MYO15B: variants seen among roughly 807,000 people sequenced by gnomAD.
MYO15B encodes the protein myosin XVB pseudogene.
Under a neutral mutation model 119.3 loss-of-function variants are expected in MYO15B, and 207 were observed. The ratio of observed to expected loss-of-function variants is 1.73; its 90% CI spans 1.55 to 1.95. The LOEUF is 1.95. Among genes scored for constraint, MYO15B ranks in the 30% most tolerant of loss-of-function variants. The probability of loss-of-function intolerance (pLI) is 0.00; values close to 1 mark genes in which losing one functional copy is unlikely to be tolerated. For missense variants in MYO15B, 2,264 were observed against 1,203.1 expected (o/e 1.88, Z -13.04); for synonymous variants, 966 against 498.9 (o/e 1.94, Z -12.48).
intron 53 of MYO15B, among the ~76,000 whole-genome samples, chr17:75,623,354 C>A (rs1308657562): frequency 6.6e-6 from 1 of 152,000 alleles, no homozygotes; most frequent in African/African-American, 2.4e-5. Context: ...AAAGGCCGGG[C>A]ACGGAGGCCC....
At chr17:75,614,170 G>T in intron 29 of MYO15B, 29 bp from the exon 30 acceptor site, 1 of 698,870 alleles carries the variant, frequency 1.4e-6, no homozygotes, top group Admixed American at 2.0e-5. Flanking sequence ...ATGGCCGCCT[G>T]CCTCACTGAC....
At chr17:75,593,197 TAAAAAAAAAAAA>T (rs5822094) in intron 9 of MYO15B, among the ~76,000 whole-genome samples, 2 of 74,230 alleles carry the variant, frequency 2.7e-5, no homozygotes, top group South Asian at 6.1e-4. Flanking sequence ...CCGTCTCTAT[TAAAAAAAAAAAA>T]AAAAAAAAAA....
At chr17:75,597,895 G>C (rs867776967) in intron 14 of MYO15B, among the ~76,000 whole-genome samples, 1 of 150,958 alleles carries the variant, frequency 6.6e-6, no homozygotes, top group South Asian at 2.1e-4. Context: ...CAGCCTGGGT[G>C]ACAGAGTGAG....
At chr17:75,594,292 AG>A (rs935183980) in intron 9 of MYO15B, among the ~76,000 whole-genome samples, 182 bp from the exon 10 acceptor site, 1 of 152,162 alleles carries the variant, frequency 6.6e-6, no homozygotes, top group African/African-American at 2.4e-5. Context: ...AAAGAGGGAA[AG>A]TAGGACTCGA....
At chr17:75,598,960 A>G (rs1223644516) in intron 14 of MYO15B, among the ~76,000 whole-genome samples, 2 of 152,162 alleles carry the variant, frequency 1.3e-5, no homozygotes, top group Admixed American at 6.6e-5. Context: ...CCCAAACCCA[A>G]GTTCTCATTT....
Position 75,594,700 on chromosome 17 carries a change from G to C in MYO15B, c.3106-1G>C, listed in dbSNP as rs1261180259. The C allele has an allele frequency of 2.8e-6, 2 of 703,090 alleles. No individual in the cohort carries two copies. Among genetic ancestry groups the C allele is most frequent in the Admixed American group, 4.0e-5 (2 of 50,016 alleles). The allele number at this position is 703,090 out of a possible 1,614,324, so 43.6% of individuals were successfully genotyped here. On this transcript the variant is annotated splice_acceptor_variant, in intron 10 of 63. Coordinates refer to ENST00000645453, the Ensembl canonical transcript of MYO15B. LOFTEE classifies it high-confidence loss of function. ...CCAGCTGTGCCTCCTCTGCCCTCCA[G>C]GAGACGCCCTATGGCCAGGTCTCGC... is the stretch of plus-strand genomic sequence containing the variant.
exon 33 of MYO15B, chr17:75,614,978 G>T: frequency 1.4e-6 from 1 of 703,088 alleles, no homozygotes; most frequent in Non-Finnish European, 2.6e-6. Context: ...AACAAAGCTG[G>T]GCTCTGAGCA....
In MYO15B at chr17:75,611,590, C is replaced by T. The variant is rs1347600491; in HGVS notation, c.4447-11C>T. The T allele has an allele frequency of 5.7e-6, 4 of 702,576 alleles. No individual in the cohort carries two copies. The highest frequency in any genetic ancestry group is 1.5e-5 in the South Asian group (1 of 67,592). 43.5% of individuals were successfully genotyped at this position (702,576 alleles called of 1,614,324 possible). A position where few individuals can be genotyped will look rare whatever the true frequency, so the allele number is the denominator to read the frequency against. On this transcript the variant is annotated splice_polypyrimidine_tract_variant and intron_variant, in intron 23 of 63. Transcript: ENST00000645453. The stretch of plus-strand genomic sequence containing the variant: ...CCTGTGGATCCTGGGTAAATGAGTC[C>T]CCTCTGCCAGGAGCTGGGGCGCTTG...
exon 60 of MYO15B, chr17:75,625,236 A>T (rs1169376445): frequency 1.4e-6 from 1 of 699,086 alleles, no homozygotes; most frequent in South Asian, 1.5e-5. Context: ...ATACCCCCTC[A>T]GGGTGAGTGG....
chr17:75,614,250 C>T (rs142568676), exon 30 of MYO15B: 212 of 702,782 alleles, frequency 3.0e-4, no homozygotes, highest in Admixed American at 6.6e-4. Flanking sequence ...ACTCCAGGGA[C>T]GCATGGCAGG....
chr17:75,620,417 C>A, intron 48 of MYO15B, 50 bp from the exon 49 acceptor site: 1 of 702,674 alleles, frequency 1.4e-6, no homozygotes, highest in South Asian at 1.5e-5. Context: ...CAGAGGCTGC[C>A]CGGGGGCAGA....
At chr17:75,617,042 T>C (rs1005374537) in intron 40 of MYO15B, 43 bp from the exon 41 acceptor site, 40 of 693,324 alleles carry the variant, frequency 5.8e-5, no homozygotes, top group Admixed American at 1.4e-4. Context: ...AACTTGGCCT[T>C]GTGCTGTGAC....
At chr17:75,625,324 G>T in intron 60 of MYO15B, 86 bp downstream of exon 60, 1 of 642,808 alleles carries the variant, frequency 1.6e-6, no homozygotes, top group South Asian at 1.7e-5. Context: ...GGCCCTAAAT[G>T]GACTGGCCAG....
rs1213423429 is a variant in MYO15B at position 75,590,696 on chromosome 17, G to T, written c.2250+7G>T. On this transcript the variant is annotated splice_region_variant and intron_variant, in intron 2 of 63. Coordinates refer to ENST00000645453, the Ensembl canonical transcript of MYO15B. ...TCACCTGGGCCGTATCTATGTATGG[G>T]GAGCCACGGGGACGGACAGTGGGCG... 3.8e-5 allele frequency: 7 copies of T among 183,902 alleles called. No homozygotes were observed. The highest frequency in any genetic ancestry group is 6.7e-5 in the Non-Finnish European group (6 of 89,316). 11.4% of individuals were successfully genotyped at this position (183,902 alleles called of 1,614,324 possible).
In MYO15B at chr17:75,625,420, G is replaced by T. The variant is rs1426848785; in HGVS notation, c.8805-107G>T. Reference sequence around the variant, plus strand: ...GACCCTCACCTCATTCATGTGTATGGATGTCTAGTCTTGCCCACAATAGGC... The same window carrying T: ...GACCCTCACCTCATTCATGTGTATGTATGTCTAGTCTTGCCCACAATAGGC... On this transcript the variant is annotated intron_variant, in intron 60 of 63. Coordinates refer to ENST00000645453, the Ensembl canonical transcript of MYO15B. The T allele has an allele frequency of 4.4e-5, 29 of 666,514 alleles. No individual in the cohort carries two copies. In the Admixed American group the frequency reaches 5.4e-4, roughly 12 times the overall value. 41.3% of individuals were successfully genotyped at this position (666,514 alleles called of 1,614,324 possible). A position where few individuals can be genotyped will look rare whatever the true frequency, so the allele number is the denominator to read the frequency against.
At chr17:75,609,264 G>A (rs2057851597) in intron 21 of MYO15B, among the ~76,000 whole-genome samples, 1 of 151,150 alleles carries the variant, frequency 6.6e-6, no homozygotes, top group African/African-American at 2.4e-5. Flanking sequence ...CTAAAGAGCA[G>A]TGACCCAGTC....
chr17:75,620,916 C>T, intron 49 of MYO15B, 115 bp from the exon 50 acceptor site: 1 of 702,340 alleles, frequency 1.4e-6, no homozygotes. Context: ...TCTTCACTTT[C>T]CTGGCTTCTG....
At chr17:75,597,153 C>G (rs2056917936) in intron 14 of MYO15B, among the ~76,000 whole-genome samples, 1 of 152,232 alleles carries the variant, frequency 6.6e-6, no homozygotes, top group Admixed American at 6.5e-5. Flanking sequence ...TCCTCACGTA[C>G]CTGCCACAGA....
chr17:75,599,844 G>A (rs1006539568), intron 14 of MYO15B, among the ~76,000 whole-genome samples: 5 of 149,946 alleles, frequency 3.3e-5, no homozygotes, highest in East Asian at 2.1e-4. Context: ...GCAGTGAGCC[G>A]AGATCGTGCC....
Sources: gnomAD v4.1 joint callset for allele counts (sites outside exome capture counted in the v4.1 genomes callset) on GRCh38, gnomAD v4.1.1 for gene constraint, MANE v1.5 for transcripts, NCBI Gene and HGNC (gene_info 2026-07-23, HGNC 2026-07-21) for gene names.